PSMD7: variants seen among roughly 807,000 people sequenced by gnomAD.
The protein encoded by PSMD7 is 26S proteasome non-ATPase regulatory subunit 7.
Under a neutral mutation model 36.4 loss-of-function variants are expected in PSMD7, and 13 were observed. That is an observed-to-expected ratio of 0.36 (90% CI 0.23 to 0.57). The LOEUF is 0.57. Among genes scored for constraint, PSMD7 ranks in the 20% least tolerant of loss-of-function variants. The pLI, the probability that PSMD7 is intolerant of heterozygous loss-of-function variation, is 0.83. For synonymous variants in PSMD7, 186 were observed against 151.0 expected (o/e 1.23, Z -1.70); for missense variants, 298 against 393.6 (o/e 0.76, Z 2.06).
intron 2 of PSMD7, chr16:74,300,429 T>C (rs2034146673): frequency 7.1e-6 from 4 of 562,128 alleles, no homozygotes; most frequent in African/African-American, 5.6e-5. Flanking sequence ...TCTGCCATTA[T>C]AGTGCAAGAG....
Position 74,305,979 on chromosome 16 carries a change from A to T in PSMD7, c.*246A>T, listed in dbSNP as rs1371193728. 1 of 335,606 alleles carries T rather than the reference A, an allele frequency of 3.0e-6. No homozygotes were observed. The highest frequency in any genetic ancestry group is 5.3e-6 in the Non-Finnish European group (1 of 188,094). The allele number at this position is 335,606 out of a possible 1,614,324, so 20.8% of individuals were successfully genotyped here. ...ATAGTCAGCTCAGGCTTCAGATTGT[A>T]TGAGAAAAATGAAGAGAAGTCAACA... is the stretch of plus-strand genomic sequence containing the variant. On this transcript the variant is annotated 3_prime_UTR_variant, in exon 7 of 7. Transcript: ENST00000219313.
intron 5 of PSMD7, among the ~76,000 whole-genome samples, chr16:74,303,782 C>T (rs537444986): frequency 1.3e-5 from 2 of 151,644 alleles, no homozygotes; most frequent in East Asian, 3.9e-4. Context: ...AGTGCAGTGG[C>T]GTGATCTCGA....
At chr16:74,298,906 A>G (rs2034134959) in intron 1 of PSMD7, among the ~76,000 whole-genome samples, 1 of 152,160 alleles carries the variant, frequency 6.6e-6, no homozygotes, top group Non-Finnish European at 1.5e-5. Context: ...TTCTCTATCA[A>G]GTAAGTGTAG....
At chr16:74,300,493 T>G in intron 2 of PSMD7, 3 of 423,882 alleles carry the variant, frequency 7.1e-6, no homozygotes, top group Non-Finnish European at 8.6e-6. Flanking sequence ...AGCAAACCTC[T>G]ATAAAAACAG....
intron 4 of PSMD7, 110 bp downstream of exon 4, chr16:74,301,762 C>T (rs1227233535): frequency 3.7e-6 from 3 of 800,598 alleles, no homozygotes; most frequent in Non-Finnish European, 6.2e-6. Flanking sequence ...TGCTTTATCT[C>T]CATAAACTTC....
rs546106197 is a variant in PSMD7 at position 74,302,475 on chromosome 16, C to T, written c.438+183C>T. Among the ~76,000 whole-genome samples the T allele has an allele frequency of 1.4e-4, 22 of 152,156 alleles. No homozygotes were observed. The South Asian group carries it at 3.5e-3, about 24-fold the overall frequency. On this transcript the variant is annotated intron_variant, in intron 5 of 6. Coordinates refer to ENST00000219313, the MANE Select transcript of PSMD7 (RefSeq NM_002811.5). ...GGAGAGGAACATAGAAATCTAAATT[C>T]CAACCAGGCACAGTGGCTCACCCAG...
At chr16:74,304,701 T>C in intron 6 of PSMD7, 1 of 232,120 alleles carries the variant, frequency 4.3e-6, no homozygotes. Flanking sequence ...AATGCAGGCC[T>C]GCACTCTCCA....
At chr16:74,297,177 C>A (rs573454347) in intron 1 of PSMD7, among the ~76,000 whole-genome samples, 189 bp downstream of exon 1, 1 of 152,372 alleles carries the variant, frequency 6.6e-6, no homozygotes, top group African/African-American at 2.4e-5. Context: ...GCCCCTGCCC[C>A]AGCCGCCGCC....
At chr16:74,298,196 C>T (rs957769949) in intron 1 of PSMD7, among the ~76,000 whole-genome samples, 1 of 148,288 alleles carries the variant, frequency 6.7e-6, no homozygotes, top group African/African-American at 2.5e-5. Context: ...GAGATTTGAA[C>T]CTTAATGAAT....
chr16:74,300,057 G>C (rs1280540457), intron 1 of PSMD7, 58 bp from the exon 2 acceptor site: 1 of 1,418,946 alleles, frequency 7.0e-7, no homozygotes, highest in South Asian at 1.1e-5. Flanking sequence ...GTATCTTATT[G>C]TTGGGTTCAT....
chr16:74,296,923 G>C lies in PSMD7; in HGVS notation c.9G>C (p.Glu3Asp), dbSNP rs1406771032. Reference sequence around the variant, plus strand: ...GAGCGGGGTGTGTCGCGATGCCGGAGCTGGCAGTGCAGAAGGTGGTGGTCC... The same window carrying C: ...GAGCGGGGTGTGTCGCGATGCCGGACCTGGCAGTGCAGAAGGTGGTGGTCC... MP[E>D]LAVQKVVVHP... The change falls in exon 1 of 7, where the codon GAG becomes GAC. Residue 3 changes from glutamate to aspartate, a missense_variant. Glu to Asp is a conservative substitution (Grantham distance 45, BLOSUM62 2). Coordinates refer to ENST00000219313, the MANE Select transcript of PSMD7 (RefSeq NM_002811.5). 16 of 1,613,434 alleles carry C rather than the reference G, an allele frequency of 9.9e-6. No individual in the cohort carries two copies. Among genetic ancestry groups the C allele is most frequent in the Non-Finnish European group, 1.3e-5 (15 of 1,179,852 alleles).
rs1343004594 is a variant in PSMD7 at position 74,301,671 on chromosome 16, T to A, written c.357+19T>A. 3 of 1,590,218 alleles carry A rather than the reference T, an allele frequency of 1.9e-6. No individual in the cohort carries two copies. Among genetic ancestry groups the A allele is most frequent in the Non-Finnish European group, 2.6e-6 (3 of 1,160,806 alleles). On this transcript the variant is annotated intron_variant, in intron 4 of 6. Coordinates refer to ENST00000219313, the MANE Select transcript of PSMD7 (RefSeq NM_002811.5). Reference sequence around the variant, plus strand: ...TAATTCCGTAAGTGGTGTCTATTTTTAAAACTCTTGAATGATTTTTTTTGC... The same window carrying A: ...TAATTCCGTAAGTGGTGTCTATTTTAAAAACTCTTGAATGATTTTTTTTGC...
At chr16:74,300,089 C>T in intron 1 of PSMD7, 26 bp from the exon 2 acceptor site, 5 of 1,602,402 alleles carry the variant, frequency 3.1e-6, no homozygotes, top group Non-Finnish European at 3.4e-6. Flanking sequence ...AGCCTATCCA[C>T]ACTGACCATC....
chr16:74,299,974 T>A, intron 1 of PSMD7, 141 bp from the exon 2 acceptor site: 1 of 732,074 alleles, frequency 1.4e-6, no homozygotes, highest in South Asian at 1.7e-5. Context: ...AACCTAACCC[T>A]ATTACATTGG....
chr16:74,303,728 C>CT lies in PSMD7; in HGVS notation c.439-562dup, dbSNP rs537691210. 9.4e-4 allele frequency among the ~76,000 whole-genome samples: 137 copies of CT among 145,556 alleles called. No homozygotes were observed. The Middle Eastern group carries it at 0.01, about 11-fold the overall frequency. On this transcript the variant is annotated intron_variant, in intron 5 of 6. Coordinates refer to ENST00000219313, the MANE Select transcript of PSMD7 (RefSeq NM_002811.5). ...TGTCCATTCTAGAAAGAACTATATACTTTTTTTTTTTTTAAGACAATCTCA... is the reference window on the plus strand; with the variant it reads ...TGTCCATTCTAGAAAGAACTATATACTTTTTTTTTTTTTTAAGACAATCTCA...
chr16:74,304,519 C>A (rs1032465079), intron 6 of PSMD7, 125 bp downstream of exon 6: 15 of 721,104 alleles, frequency 2.1e-5, no homozygotes, highest in Non-Finnish European at 2.8e-5. Context: ...ACAAGTCTGC[C>A]ATTCTGAGCA....
rs1393903967 is a variant in PSMD7 at position 74,306,285 on chromosome 16, T to C, written c.*552T>C. On this transcript the variant is annotated 3_prime_UTR_variant, in exon 7 of 7. Transcript: ENST00000219313. ...AAGATACAATTAAATGGCTTGATTT[T>C]TAAGCTGTGTTCTAGTCGTTTTTGA... 2 of 152,702 alleles carry C rather than the reference T, an allele frequency of 1.3e-5. No homozygotes were observed. The highest frequency in any genetic ancestry group is 2.4e-5 in the African/African-American group (1 of 41,468). 9.5% of individuals were successfully genotyped at this position (152,702 alleles called of 1,614,324 possible). A position where few individuals can be genotyped will look rare whatever the true frequency, so the allele number is the denominator to read the frequency against.
At position 74,304,399 on chromosome 16, in the gene PSMD7, G is replaced by T; in HGVS notation, c.530+5G>T. Reference sequence around the variant, plus strand: ...TGGAGTTGAACACTTGTTACGGTGAGACCCTAGTACAGCATCAAAATCATT... The same window carrying T: ...TGGAGTTGAACACTTGTTACGGTGATACCCTAGTACAGCATCAAAATCATT... On this transcript the variant is annotated splice_donor_5th_base_variant and intron_variant, in intron 6 of 6. Coordinates refer to ENST00000219313, the MANE Select transcript of PSMD7 (RefSeq NM_002811.5). 1 of 1,610,202 alleles carries T rather than the reference G, an allele frequency of 6.2e-7. No individual in the cohort carries two copies. The highest frequency in any genetic ancestry group is 1.1e-5 in the South Asian group (1 of 90,978).
chr16:74,302,496 C>G (rs913894998), intron 5 of PSMD7, among the ~76,000 whole-genome samples: 6 of 152,240 alleles, frequency 3.9e-5, no homozygotes, highest in African/African-American at 1.4e-4. Flanking sequence ...CAGTGGCTCA[C>G]CCAGTGCTTT....
Sources: allele counts gnomAD v4.1 joint callset (sites outside exome capture counted in the v4.1 genomes callset), GRCh38; gene constraint gnomAD v4.1.1; transcripts MANE v1.5; gene names NCBI Gene and HGNC (gene_info 2026-07-23, HGNC 2026-07-21).